Variants in NELL1 observed in about 807,000 individuals in gnomAD.
NELL1 encodes neural EGFL like 1, also known as protein kinase C-binding protein NELL1.
In NELL1, 76 loss-of-function variants were observed where a neutral mutation model predicts 107.4. The ratio of observed to expected loss-of-function variants is 0.71; its 90% CI spans 0.59 to 0.86. NELL1 has a LOEUF of 0.86. NELL1 is among the 40% of genes least tolerant of loss of function. The pLI is 0.00. For synonymous variants in NELL1, 353 were observed against 341.2 expected, an observed-to-expected ratio of 1.03 and a Z score of -0.38; for missense variants, 1,024 against 1,005.5, an observed-to-expected ratio of 1.02 and a Z score of -0.25.
Position 21,449,599 on chromosome 11 carries a change from G to A in NELL1, c.1645+78651G>A, listed in dbSNP as rs184316288. Reference sequence around the variant, plus strand: ...TTATTCTTTTATAGATTATGTTTTTGTGTTGTATCTAAGAAATGTTTGACC... The same window carrying A: ...TTATTCTTTTATAGATTATGTTTTTATGTTGTATCTAAGAAATGTTTGACC... On this transcript the variant is annotated intron_variant, in intron 15 of 19. Transcript: ENST00000357134. Among the ~76,000 whole-genome samples, 155 of 152,128 alleles carry A rather than the reference G, an allele frequency of 1.0e-3. 1 individual carries two copies. The highest frequency in any genetic ancestry group is 1.4e-3 in the Non-Finnish European group (94 of 67,962).
chr11:21,569,217 A>G (rs193033537), intron 17 of NELL1, among the ~76,000 whole-genome samples: 7 of 152,010 alleles, frequency 4.6e-5, no homozygotes, highest in Admixed American at 4.6e-4. Context: ...CTTTATTGAA[A>G]AAAAAGCCTG....
chr11:21,408,275 C>A (rs1045478933), intron 15 of NELL1, among the ~76,000 whole-genome samples: 1 of 152,038 alleles, frequency 6.6e-6, no homozygotes, highest in African/African-American at 2.4e-5. Context: ...TCTAACTACT[C>A]CCACTCTTCC....
chr11:20,860,669 A>G (rs1426071333), intron 4 of NELL1, among the ~76,000 whole-genome samples: 2 of 152,188 alleles, frequency 1.3e-5, no homozygotes, highest in Non-Finnish European at 2.9e-5. Flanking sequence ...TGAACTTTTG[A>G]GTATTGTTCT....
intron 11 of NELL1, among the ~76,000 whole-genome samples, chr11:20,957,080 C>T (rs559529175): frequency 7.1e-4 from 108 of 152,170 alleles, no homozygotes; most frequent in African/African-American, 2.6e-3. Context: ...GCCCTGAGTG[C>T]AATTTCGAGT....
At chr11:20,800,016 T>C (rs1331673956) in intron 3 of NELL1, among the ~76,000 whole-genome samples, 1 of 152,220 alleles carries the variant, frequency 6.6e-6, no homozygotes. Flanking sequence ...GCTGTATTCA[T>C]GGTGCTGCCA....
chr11:20,910,173 C>G (rs1057175581), intron 5 of NELL1, among the ~76,000 whole-genome samples: 7 of 152,168 alleles, frequency 4.6e-5, no homozygotes, highest in African/African-American at 1.7e-4. Flanking sequence ...GACCATGTGT[C>G]TTTCATTATC....
At chr11:21,286,003 T>A (rs561367875) in intron 14 of NELL1, among the ~76,000 whole-genome samples, 1 of 152,272 alleles carries the variant, frequency 6.6e-6, no homozygotes, top group African/African-American at 2.4e-5. Context: ...TAGATAGAAA[T>A]GAGACAGAGA....
chr11:21,117,530 G>T (rs537456411), intron 13 of NELL1, among the ~76,000 whole-genome samples: 1 of 151,900 alleles, frequency 6.6e-6, no homozygotes, highest in East Asian at 1.9e-4. Context: ...CGTACCCACA[G>T]GTTATAGTGA....
At position 21,100,201 on chromosome 11, in the gene NELL1, A is replaced by G. The variant is rs145030682; in HGVS notation, c.1301-13388A>G. Among the ~76,000 whole-genome samples the G allele has an allele frequency of 8.8e-3, 1,340 of 152,200 alleles. 24 individuals carry two copies. Among genetic ancestry groups the G allele is most frequent in the African/African-American group, 0.028 (1,166 of 41,528 alleles). ...CTGGATAATTTTTTGTATTTTTAGT[A>G]GAGACAGGGTTTCGCCACGTTGCCC... is the stretch of plus-strand genomic sequence containing the variant. On this transcript the variant is annotated intron_variant, in intron 12 of 19. Coordinates refer to ENST00000357134, the MANE Select transcript of NELL1 (RefSeq NM_006157.5).
intron 15 of NELL1, among the ~76,000 whole-genome samples, chr11:21,421,086 A>G (rs1354716742): frequency 1.3e-5 from 2 of 152,198 alleles, no homozygotes; most frequent in Admixed American, 1.3e-4. Flanking sequence ...ATGAAAACAC[A>G]TTGTATTTAT....
chr11:21,170,689 TTATATATATACTGTATTATA>T (rs200403156), intron 13 of NELL1, among the ~76,000 whole-genome samples: 20 of 57,552 alleles, frequency 3.5e-4, no homozygotes, highest in South Asian at 4.7e-4. Context: ...ATACTGTAGT[TTATATATATACTGTATTATA>T]TATATATATA....
chr11:21,305,274 A>C (rs1849582417), intron 14 of NELL1, among the ~76,000 whole-genome samples: 1 of 152,058 alleles, frequency 6.6e-6, no homozygotes, highest in South Asian at 2.1e-4. Flanking sequence ...GAGCTCAGTG[A>C]GAAAAATGTG....
chr11:20,934,953 A>AT (rs994961411), intron 9 of NELL1, among the ~76,000 whole-genome samples: 27 of 152,142 alleles, frequency 1.8e-4, no homozygotes, highest in African/African-American at 6.0e-4. Flanking sequence ...TTAATTCTCC[A>AT]TTTTTTTGGT....
intron 2 of NELL1, among the ~76,000 whole-genome samples, chr11:20,716,742 C>T (rs542589952): frequency 6.6e-6 from 1 of 152,188 alleles, no homozygotes; most frequent in Non-Finnish European, 1.5e-5. Flanking sequence ...TCCTTAACTT[C>T]TTCACTTCAT....
intron 2 of NELL1, among the ~76,000 whole-genome samples, chr11:20,776,681 A>C (rs938333884): frequency 2.6e-5 from 4 of 152,048 alleles, no homozygotes; most frequent in African/African-American, 9.7e-5. Flanking sequence ...TGCAGATGGG[A>C]GTGTACCAAA....
chr11:20,875,942 C>A (rs12420160), intron 4 of NELL1, among the ~76,000 whole-genome samples: 1 of 152,318 alleles, frequency 6.6e-6, no homozygotes, highest in Admixed American at 6.5e-5. Context: ...CACACGCAGG[C>A]TTGATCTCTG....
At chr11:21,057,091 G>A (rs565511531) in intron 12 of NELL1, among the ~76,000 whole-genome samples, 28 of 152,152 alleles carry the variant, frequency 1.8e-4, no homozygotes, top group Admixed American at 5.9e-4. Flanking sequence ...ATATATGAGT[G>A]AGTGTATGCT....
chr11:21,575,191 C>A lies in NELL1; in HGVS notation c.*169C>A. 1.6e-6 allele frequency: 1 copy of A among 614,022 alleles called. No individual in the cohort carries two copies. Among genetic ancestry groups the A allele is most frequent in the Non-Finnish European group, 2.9e-6 (1 of 342,958 alleles). The allele number at this position is 614,022 out of a possible 1,614,324, so 38.0% of individuals were successfully genotyped here. A position where few individuals can be genotyped will look rare whatever the true frequency, so the allele number is the denominator to read the frequency against. ...GTTTGGAGGTTGCCTTTTGGACCTA[C>A]CACTTTGCTCATTCTTGCTAACCTA... On this transcript the variant is annotated 3_prime_UTR_variant, in exon 20 of 20. Coordinates refer to ENST00000357134, the MANE Select transcript of NELL1 (RefSeq NM_006157.5).
At chr11:21,277,313 G>A (rs1848888575) in intron 14 of NELL1, among the ~76,000 whole-genome samples, 1 of 152,026 alleles carries the variant, frequency 6.6e-6, no homozygotes, top group African/African-American at 2.4e-5. Flanking sequence ...CATCATCACT[G>A]GCCATCAGAG....
Sources: gnomAD v4.1 joint callset for allele counts (sites outside exome capture counted in the v4.1 genomes callset) on GRCh38, gnomAD v4.1.1 for gene constraint, MANE v1.5 for transcripts, NCBI Gene and HGNC (gene_info 2026-07-23, HGNC 2026-07-21) for gene names.